The following PNLIPRP1 variants were observed in gnomAD, a reference collection of about 807,000 sequenced individuals.
PNLIPRP1 encodes inactive pancreatic lipase-related protein 1.
Under a neutral mutation model 54.6 loss-of-function variants are expected in PNLIPRP1, and 57 were observed. The observed-to-expected ratio is 1.04, with a 90% CI of 0.84 to 1.30. The LOEUF is 1.30. PNLIPRP1 is among the 50% of genes most tolerant of loss of function. PNLIPRP1 has a pLI of 0.00. For missense variants in PNLIPRP1, 567 were observed against 568.5 expected (o/e 1.00, Z 0.03); for synonymous variants, 232 against 208.8 (o/e 1.11, Z -0.96).
At chr10:116,607,568 G>T (rs185553610) in intron 12 of PNLIPRP1, among the ~76,000 whole-genome samples, 8 of 152,082 alleles carry the variant, frequency 5.3e-5, no homozygotes, top group African/African-American at 7.2e-5. Context: ...CATGAGGGGC[G>T]ACAGGGCCCA....
chr10:116,602,109 G>T (rs993594851), intron 10 of PNLIPRP1, among the ~76,000 whole-genome samples: 2 of 150,212 alleles, frequency 1.3e-5, no homozygotes, highest in Non-Finnish European at 2.9e-5. Context: ...TCCCCCTCCC[G>T]GGTTCACGCC....
chr10:116,594,995 C>G (rs1554863767), intron 5 of PNLIPRP1, 131 bp downstream of exon 5: 1 of 1,144,880 alleles, frequency 8.7e-7, no homozygotes, highest in South Asian at 1.7e-5. Context: ...TTCTAAAACT[C>G]TGAAATTTGC....
chr10:116,600,380 T>C (rs895384980), intron 9 of PNLIPRP1: 56 of 451,190 alleles, frequency 1.2e-4, no homozygotes, highest in South Asian at 4.4e-4. Flanking sequence ...AGAGGAAAAC[T>C]GGGAAATCAG....
chr10:116,597,717 G>A, intron 6 of PNLIPRP1, 111 bp from the exon 7 acceptor site: 3 of 1,227,766 alleles, frequency 2.4e-6, no homozygotes, highest in Non-Finnish European at 1.2e-6. Flanking sequence ...TCACTCTGGT[G>A]CATGGTACCC....
chr10:116,604,272 T>G, intron 11 of PNLIPRP1, 134 bp downstream of exon 11: 3 of 532,446 alleles, frequency 5.6e-6, no homozygotes, highest in Non-Finnish European at 1.0e-5. Context: ...TGTAACAACA[T>G]TTTAGTTGAT....
At chr10:116,594,522 T>G (rs1277901665) in intron 4 of PNLIPRP1, 1 of 620,806 alleles carries the variant, frequency 1.6e-6, no homozygotes, top group African/African-American at 1.8e-5. Context: ...CCAATTAATC[T>G]GCAAGCTGGA....
At chr10:116,598,728 T>A (rs1368629520) in intron 8 of PNLIPRP1, among the ~76,000 whole-genome samples, 3 of 152,186 alleles carry the variant, frequency 2.0e-5, no homozygotes, top group African/African-American at 7.2e-5. Context: ...TGGTTATTCT[T>A]TATTGTTGAT....
chr10:116,606,888 T>C (rs1554865628), intron 12 of PNLIPRP1, among the ~76,000 whole-genome samples: 2 of 152,030 alleles, frequency 1.3e-5, no homozygotes, highest in African/African-American at 2.4e-5. Context: ...CAGCTGGATA[T>C]AAGACATCAG....
chr10:116,600,042 C>T lies in PNLIPRP1; in HGVS notation c.815-5C>T. 6.2e-7 allele frequency: 1 copy of T among 1,608,260 alleles called. No homozygotes were observed. The highest frequency in any genetic ancestry group is 1.3e-5 in the African/African-American group (1 of 74,950). On this transcript the variant is annotated splice_polypyrimidine_tract_variant and splice_region_variant and intron_variant, in intron 8 of 12. Transcript: ENST00000358834. The stretch of plus-strand genomic sequence containing the variant: ...CTGTTCAGGTCTCCTTATTTGTTTT[C>T]CCAGGAACCCGGGACTTTGTGGCTT...
At chr10:116,604,752 G>T (rs148169646) in intron 11 of PNLIPRP1, among the ~76,000 whole-genome samples, 1 of 135,490 alleles carries the variant, frequency 7.4e-6, no homozygotes, top group African/African-American at 2.8e-5. Flanking sequence ...GCAGTGGCAC[G>T]ATCTTGGCTC....
rs1554863242 is a variant in PNLIPRP1 at position 116,591,908 on chromosome 10, A to C, written c.187A>C (p.Asn63His). 2.5e-6 allele frequency: 4 copies of C among 1,613,958 alleles called. No homozygotes were observed. Among genetic ancestry groups the C allele is most frequent in the Non-Finnish European group, 3.4e-6 (4 of 1,180,022 alleles). Residue 63 changes from asparagine to histidine, a missense_variant, in exon 3 of 13, where the codon AAC becomes CAC. Transcript: ENST00000358834. The part of the protein sequence containing the change: ...GTRFLLYTNE[N>H]PNNFQILLLS... ...CCGCTTCCTGCTGTACACCAATGAA[A>C]ACCCAAACAACTTTCAAGTGAGACC...
Position 116,591,118 on chromosome 10 carries a change from A to G in PNLIPRP1, c.1-12A>G. 1 of 1,612,580 alleles carries G rather than the reference A, an allele frequency of 6.2e-7. No homozygotes were observed. ...GCCCGGTGAGACTGAATTATGTTTA[A>G]ATTTATTGTAGATGCTGATCTTCTG... is the stretch of plus-strand genomic sequence containing the variant. On this transcript the variant is annotated splice_polypyrimidine_tract_variant and intron_variant, in intron 1 of 12. Transcript: ENST00000358834.
chr10:116,597,065 G>A (rs1847750143), intron 6 of PNLIPRP1, among the ~76,000 whole-genome samples: 1 of 152,138 alleles, frequency 6.6e-6, no homozygotes, highest in Admixed American at 6.5e-5. Flanking sequence ...TTTTGCCGAT[G>A]TTTGGCTTAA....
intron 9 of PNLIPRP1, 99 bp from the exon 10 acceptor site, chr10:116,600,973 A>C: frequency 1.8e-6 from 2 of 1,085,660 alleles, no homozygotes; most frequent in South Asian, 1.7e-5. Flanking sequence ...ACAAAGGAGA[A>C]CGCTTAGGCT....
intron 6 of PNLIPRP1, among the ~76,000 whole-genome samples, chr10:116,596,643 G>A (rs1420639431): frequency 6.6e-6 from 1 of 152,116 alleles, no homozygotes; most frequent in East Asian, 1.9e-4. Context: ...AGACTAGTAT[G>A]AACATGAGCA....
At position 116,594,736 on chromosome 10, in the gene PNLIPRP1, T is replaced by C; in HGVS notation, c.337T>C (p.Phe113Leu). ...SWVTDMCKKL[F>L]EVEEVNCICV... The stretch of plus-strand genomic sequence containing the variant: ...ACTATCTCCCCAACACCAGAAACTG[T>C]TCGAGGTGGAGGAGGTGAACTGCAT... Residue 113 changes from phenylalanine (F) to leucine (L), a missense_variant, in exon 5 of 13, where the codon TTC becomes CTC. Physicochemically the swap from Phe to Leu is conservative, Grantham distance 22 (BLOSUM62 0). Transcript: ENST00000358834. The C allele has an allele frequency of 2.5e-6, 4 of 1,614,126 alleles. No individual in the cohort carries two copies. Among genetic ancestry groups the C allele is most frequent in the Non-Finnish European group, 3.4e-6 (4 of 1,180,016 alleles).
chr10:116,592,486 T>C lies in PNLIPRP1; in HGVS notation c.275T>C (p.Ile92Thr). The C allele has an allele frequency of 6.2e-7, 1 of 1,614,138 alleles. No individual in the cohort carries two copies. Among genetic ancestry groups the C allele is most frequent in the Non-Finnish European group, 8.5e-7 (1 of 1,179,986 alleles). Residue 92 changes from isoleucine to threonine, a missense_variant, in exon 4 of 13, where the codon ATC (isoleucine) becomes ACC (threonine). Transcript: ENST00000358834. ...CAAATGGACAGAAAGACCCGGTTCA[T>C]CATCCATGGCTTCATAGACAAAGGA... ...NFQMDRKTRFIIHGFIDKGDE... is the reference protein window; with the variant it reads ...NFQMDRKTRFTIHGFIDKGDE...
At position 116,591,179 on chromosome 10, in the gene PNLIPRP1, G is replaced by A; in HGVS notation, c.49+1G>A. ...CTTTTCCTGCTGGGAGCAGCCAAAGGTAAGAAACACCACTCCTGCCCCGTA... is the reference window on the plus strand; with the variant it reads ...CTTTTCCTGCTGGGAGCAGCCAAAGATAAGAAACACCACTCCTGCCCCGTA... On this transcript the variant is annotated splice_donor_variant, in intron 2 of 12. Coordinates refer to ENST00000358834, the MANE Select transcript of PNLIPRP1 (RefSeq NM_006229.4). LOFTEE classifies it high-confidence loss of function. 6.2e-7 allele frequency: 1 copy of A among 1,612,032 alleles called. No homozygotes were observed. The highest frequency in any genetic ancestry group is 1.3e-5 in the African/African-American group (1 of 75,032).
chr10:116,600,976 C>G, intron 9 of PNLIPRP1, 96 bp from the exon 10 acceptor site: 1 of 1,154,320 alleles, frequency 8.7e-7, no homozygotes, highest in African/African-American at 1.5e-5. Flanking sequence ...AAGGAGAACG[C>G]TTAGGCTGTA....
Sources: allele counts gnomAD v4.1 joint callset (sites outside exome capture counted in the v4.1 genomes callset), GRCh38; gene constraint gnomAD v4.1.1; transcripts MANE v1.5; gene names NCBI Gene and HGNC (gene_info 2026-07-23, HGNC 2026-07-21).